Variants in ATP8A2 observed in about 807,000 individuals in gnomAD.
The protein encoded by ATP8A2 is phospholipid-transporting ATPase IB.
In ATP8A2, 100 loss-of-function variants were observed where a neutral mutation model predicts 165.6. That is an observed-to-expected ratio of 0.60 (90% CI 0.51 to 0.71). The LOEUF is 0.71. Among genes scored for constraint, ATP8A2 ranks in the 30% least tolerant of loss-of-function variants. The pLI is 0.00. For missense variants in ATP8A2, 1,227 were observed against 1,479.5 expected, an observed-to-expected ratio of 0.83 and a Z score of 2.80; for synonymous variants, 543 against 548.8, an observed-to-expected ratio of 0.99 and a Z score of 0.15.
chr13:25,768,741 A>G (rs1436780113), intron 25 of ATP8A2, among the ~76,000 whole-genome samples: 1 of 152,184 alleles, frequency 6.6e-6, no homozygotes, highest in African/African-American at 2.4e-5. Context: ...GACTTCCTTT[A>G]TCATTCAGCA....
intron 25 of ATP8A2, among the ~76,000 whole-genome samples, chr13:25,737,173 A>G (rs1314039144): frequency 6.6e-6 from 1 of 152,196 alleles, no homozygotes; most frequent in East Asian, 1.9e-4. Context: ...TAACTCTGCA[A>G]GGGAAGAAGG....
intron 2 of ATP8A2, among the ~76,000 whole-genome samples, chr13:25,513,177 C>T (rs193019221): frequency 0.059 from 8,937 of 150,924 alleles, 334 homozygotes; most frequent in South Asian, 0.13. Context: ...GGCTGCCGGG[C>T]GGAGAGGCTC....
intron 1 of ATP8A2, among the ~76,000 whole-genome samples, chr13:25,392,551 A>G (rs1326044038): frequency 6.6e-6 from 1 of 152,236 alleles, no homozygotes; most frequent in Non-Finnish European, 1.5e-5. Flanking sequence ...TTTAAATTAG[A>G]AAAGAAATCA....
At chr13:25,874,306 A>G (rs1952765146) in intron 33 of ATP8A2, among the ~76,000 whole-genome samples, 1 of 152,064 alleles carries the variant, frequency 6.6e-6, no homozygotes, top group Admixed American at 6.5e-5. Context: ...TCACTTCCTG[A>G]CTGCACTGGT....
At chr13:25,629,011 T>C (rs1180844479) in intron 24 of ATP8A2, among the ~76,000 whole-genome samples, 1 of 152,160 alleles carries the variant, frequency 6.6e-6, no homozygotes, top group East Asian at 1.9e-4. Flanking sequence ...CAGGGGAGCA[T>C]AATTGGTCAC....
chr13:25,692,437 C>T (rs568299125), intron 24 of ATP8A2, among the ~76,000 whole-genome samples: 5 of 152,284 alleles, frequency 3.3e-5, no homozygotes, highest in African/African-American at 9.6e-5. Context: ...GAAGAGGGCT[C>T]CTACCCGTGC....
At chr13:25,933,491 C>G (rs1954816720) in intron 33 of ATP8A2, among the ~76,000 whole-genome samples, 1 of 152,118 alleles carries the variant, frequency 6.6e-6, no homozygotes, top group African/African-American at 2.4e-5. Context: ...TTTTTAAATT[C>G]ATGTTAAAGT....
chr13:25,892,411 G>A (rs306420), intron 33 of ATP8A2, among the ~76,000 whole-genome samples: 78,464 of 151,608 alleles, frequency 0.52, 21,452 homozygotes, highest in African/African-American at 0.7. Context: ...CTTGATGCCT[G>A]TGAAAAATAA....
At chr13:25,913,441 A>G (rs1334787750) in intron 33 of ATP8A2, among the ~76,000 whole-genome samples, 1 of 152,234 alleles carries the variant, frequency 6.6e-6, no homozygotes, top group Non-Finnish European at 1.5e-5. Context: ...TCATAAAACT[A>G]TAATATACTT....
rs1359624380 is a variant in ATP8A2 at position 25,789,836 on chromosome 13, A to G, written c.2679+14877A>G. 2.0e-5 allele frequency among the ~76,000 whole-genome samples: 3 copies of G among 152,248 alleles called. No individual in the cohort carries two copies. The East Asian group carries it at 5.8e-4, about 29-fold the overall frequency. Reference sequence around the variant, plus strand: ...GTTACCTGACTTCAAACTATGCTGCAGGGCTACAGTAACCCAAACAGCATG... The same window carrying G: ...GTTACCTGACTTCAAACTATGCTGCGGGGCTACAGTAACCCAAACAGCATG... On this transcript the variant is annotated intron_variant, in intron 27 of 36. Transcript: ENST00000381655.
At chr13:25,877,865 T>C (rs1048870114) in intron 33 of ATP8A2, among the ~76,000 whole-genome samples, 2 of 152,214 alleles carry the variant, frequency 1.3e-5, no homozygotes, top group African/African-American at 4.8e-5. Context: ...CTTAGTGCTT[T>C]CAATTGCTGA....
intron 16 of ATP8A2, among the ~76,000 whole-genome samples, chr13:25,568,236 T>C (rs2039371397): frequency 6.6e-6 from 1 of 152,186 alleles, no homozygotes; most frequent in Admixed American, 6.5e-5. Context: ...CCTGCTTACA[T>C]TGCTAACCAG....
At chr13:25,590,062 A>G (rs575221379) in intron 24 of ATP8A2, among the ~76,000 whole-genome samples, 3 of 152,368 alleles carry the variant, frequency 2.0e-5, no homozygotes, top group South Asian at 2.1e-4. Context: ...CTAAGGAGAC[A>G]TGTATGATTT....
intron 24 of ATP8A2, among the ~76,000 whole-genome samples, chr13:25,612,976 G>T: frequency 6.6e-6 from 1 of 151,778 alleles, no homozygotes; most frequent in East Asian, 1.9e-4. Context: ...TTTGGTGTCT[G>T]TTTTTTTCTA....
intron 13 of ATP8A2, among the ~76,000 whole-genome samples, chr13:25,557,908 T>C (rs184499094): frequency 1.4e-5 from 2 of 144,958 alleles, no homozygotes; most frequent in Non-Finnish European, 3.0e-5. Flanking sequence ...TCATTAAAAA[T>C]TTTTTTTTTT....
At chr13:25,856,670 A>G (rs1317111228) in intron 30 of ATP8A2, among the ~76,000 whole-genome samples, 2 of 152,242 alleles carry the variant, frequency 1.3e-5, no homozygotes, top group Non-Finnish European at 1.5e-5. Flanking sequence ...AATGTTATGC[A>G]ACCATCACCA....
intron 33 of ATP8A2, among the ~76,000 whole-genome samples, chr13:25,907,824 G>A (rs2765746): frequency 0.014 from 2,082 of 152,046 alleles, 41 homozygotes; most frequent in African/African-American, 0.048. Flanking sequence ...GCCAAACACC[G>A]TATACTCTTA....
At chr13:25,998,252 T>C (rs1433510790) in intron 35 of ATP8A2, among the ~76,000 whole-genome samples, 1 of 152,144 alleles carries the variant, frequency 6.6e-6, no homozygotes, top group Non-Finnish European at 1.5e-5. Flanking sequence ...TCCGAAGTGA[T>C]CTCTGCTGAC....
intron 33 of ATP8A2, among the ~76,000 whole-genome samples, chr13:25,932,048 C>CAA (rs112829843): frequency 1.1e-3 from 142 of 125,176 alleles, no homozygotes; most frequent in African/African-American, 2.1e-3. Context: ...AACTCCATCT[C>CAA]AAAAAAAAAA....
Sources: allele counts gnomAD v4.1 joint callset (sites outside exome capture counted in the v4.1 genomes callset), GRCh38; gene constraint gnomAD v4.1.1; transcripts MANE v1.5; gene names NCBI Gene and HGNC (gene_info 2026-07-23, HGNC 2026-07-21).